MYH2: variants seen among roughly 807,000 people sequenced by gnomAD.
MYH2 encodes the protein myosin heavy chain 2.
Under a neutral mutation model 228.1 loss-of-function variants are expected in MYH2, and 139 were observed. The ratio of observed to expected loss-of-function variants is 0.61; its 90% confidence interval spans 0.53 to 0.70. The LOEUF is 0.70. Among genes scored for constraint, MYH2 ranks in the 30% least tolerant of loss-of-function variants. The probability of loss-of-function intolerance (pLI) is 0.00; values close to 1 mark genes in which losing one functional copy is unlikely to be tolerated. For synonymous variants in MYH2, 796 were observed against 871.1 expected, an observed-to-expected ratio of 0.91 and a Z score of 1.52; for missense variants, 1,809 against 2,357.5, an observed-to-expected ratio of 0.77 and a Z score of 4.82.
intron 10 of MYH2, among the ~76,000 whole-genome samples, chr17:10,541,820 A>C (rs2073559229): frequency 6.6e-6 from 1 of 152,208 alleles, no homozygotes; most frequent in Admixed American, 6.5e-5. Flanking sequence ...ATAGAAAAGA[A>C]CCTATGTGAA....
rs2073524217 is a variant in MYH2 at position 10,539,444 on chromosome 17, C to G, written c.1266G>C (p.Gln422His). The G allele has an allele frequency of 6.2e-7, 1 of 1,614,128 alleles. No homozygotes were observed. The change falls in exon 13 of 40, where the codon CAG becomes CAC. Residue 422 changes from glutamine (Q) to histidine (H), a missense_variant and splice_region_variant. Gln to His is a conservative substitution (Grantham distance 24, BLOSUM62 0). Around this residue, in one of 9 missense-constraint regions of MYH2, gnomAD observed 373 missense variants for 620.4 expected, o/e 0.60. Transcript: ENST00000245503. ...CAGTTAATTTGAATTATGCACCTAC[C>G]TGTTCTACAGTCTGGCCTTTGGTGA... ...EYVTKGQTVE[Q>H]VSNAVGALAK...
Position 10,539,579 on chromosome 17 carries a change from G to T in MYH2, c.1148-17C>A, listed in dbSNP as rs2073526497. The T allele has an allele frequency of 6.3e-7, 1 of 1,597,060 alleles. No individual in the cohort carries two copies. The highest frequency in any genetic ancestry group is 8.6e-7 in the Non-Finnish European group (1 of 1,164,754). ...TGTCAGCAACTAAAAAGAAGAAAGA[G>T]TAGAACAATGTTATTGTGGCCCAAA... On this transcript the variant is annotated splice_polypyrimidine_tract_variant and intron_variant, in intron 12 of 39. Transcript: ENST00000245503.
At position 10,525,148 on chromosome 17, in the gene MYH2, T is replaced by G; in HGVS notation, c.4662+76A>C. 6.2e-7 allele frequency: 1 copy of G among 1,613,840 alleles called. No individual in the cohort carries two copies. The highest frequency in any genetic ancestry group is 8.5e-7 in the Non-Finnish European group (1 of 1,179,838). ...TGCACAGCAATAATTTTGTGCTATG[T>G]GTCTTTTTATTCACTCTATGCAGAT... On this transcript the variant is annotated intron_variant, in intron 33 of 39. Transcript: ENST00000245503. This position sits in a 1 kb window ranked among gnomAD's most constrained non-coding sequence, Gnocchi z 4.2.
chr17:10,540,104 A>G, intron 11 of MYH2, 38 bp from the exon 12 acceptor site: 1 of 1,613,336 alleles, frequency 6.2e-7, no homozygotes, highest in Non-Finnish European at 8.5e-7. Flanking sequence ...TTAGGTTGTG[A>G]TCCACACGCT....
Position 10,521,222 on chromosome 17 carries a change from G to T in MYH2, c.*58C>A. 2 of 1,589,358 alleles carry T rather than the reference G, an allele frequency of 1.3e-6. No homozygotes were observed. The highest frequency in any genetic ancestry group is 1.1e-5 in the South Asian group (1 of 90,436). On this transcript the variant is annotated 3_prime_UTR_variant, in exon 40 of 40. Coordinates refer to ENST00000245503, the MANE Select transcript of MYH2 (RefSeq NM_017534.6). ...ATACACAATAATTACAGAGGGAAAT[G>T]ACCAAAGATGTCACATTTTGTGCCT...
At position 10,540,003 on chromosome 17, in the gene MYH2, C is replaced by A. The variant is rs1407974541; in HGVS notation, c.1072G>T (p.Ala358Ser). Residue 358 changes from alanine to serine, a missense_variant, in exon 12 of 40, where the codon GCT becomes TCT. Ala to Ser is a moderately conservative substitution (Grantham distance 99). Transcript: ENST00000245503. The part of the protein sequence containing the change: ...EKVSIYKLTG[A>S]VMHYGNLKFK... ...TTTAGGTTCCCATAATGCATCACAG[C>A]CCCCGTGAGCTTGTAAATGGAGACC... The A allele has an allele frequency of 3.7e-6, 6 of 1,613,864 alleles. No homozygotes were observed. In the African/African-American group the frequency reaches 6.7e-5, roughly 18 times the overall value.
At chr17:10,542,826 G>T in intron 10 of MYH2, 49 bp downstream of exon 10, 1 of 1,280,096 alleles carries the variant, frequency 7.8e-7, no homozygotes, top group South Asian at 1.2e-5. Flanking sequence ...ACTGTGCATT[G>T]ATAGGTACTG....
At chr17:10,541,996 G>C (rs187766407) in intron 10 of MYH2, among the ~76,000 whole-genome samples, 1 of 152,032 alleles carries the variant, frequency 6.6e-6, no homozygotes, top group Non-Finnish European at 1.5e-5. Context: ...TAAAATGGCC[G>C]GGCACAGTGT....
intron 14 of MYH2, among the ~76,000 whole-genome samples, chr17:10,538,644 C>CA (rs201204610): frequency 0.013 from 1,151 of 87,916 alleles, 6 homozygotes; most frequent in East Asian, 0.036. Context: ...GACTCCATCT[C>CA]AAAAAAAAAA....
Position 10,525,134 on chromosome 17 carries a change from A to G in MYH2, c.4663-69T>C, listed in dbSNP as rs2073334568. 1 of 1,613,892 alleles carries G rather than the reference A, an allele frequency of 6.2e-7. No individual in the cohort carries two copies. Among genetic ancestry groups the G allele is most frequent in the Non-Finnish European group, 8.5e-7 (1 of 1,179,932 alleles). On this transcript the variant is annotated intron_variant, in intron 33 of 39. Transcript: ENST00000245503. The surrounding 1 kb of genome is among the most constrained non-coding windows in gnomAD (Gnocchi z 4.2). ...TTATGAAGTTTTTCTGCACAGCAAT[A>G]ATTTTGTGCTATGTGTCTTTTTATT...
At chr17:10,549,331 G>C (rs1319372603) in intron 2 of MYH2, 44 bp downstream of exon 2, 2 of 152,634 alleles carry the variant, frequency 1.3e-5, no homozygotes, top group Admixed American at 1.3e-4. Flanking sequence ...CCATCCCAGA[G>C]CCTCTTGCAT....
intron 16 of MYH2, among the ~76,000 whole-genome samples, chr17:10,536,940 T>C (rs1201449859): frequency 6.6e-6 from 1 of 152,156 alleles, no homozygotes; most frequent in East Asian, 1.9e-4. Context: ...ATTTATACCC[T>C]CAGATACTCT....
rs34499338 is a variant in MYH2, at chr17:10,526,324, G to A, written c.4187+275C>T. ...AAAGCAGGTACAAGCCCCTGATGCA[G>A]CGATGAGCTCATTGTGCTTGACAAA... is the stretch of plus-strand genomic sequence containing the variant. On this transcript the variant is annotated intron_variant, in intron 30 of 39. Transcript: ENST00000245503. Among the ~76,000 whole-genome samples the A allele has an allele frequency of 0.049, 7,528 of 152,222 alleles. 221 individuals carry two copies. Among genetic ancestry groups the A allele is most frequent in the South Asian group, 0.12 (570 of 4,808 alleles).
rs1164887854 is a variant in MYH2 at position 10,531,843 on chromosome 17, A to G, written c.2487T>C (p.Asn829=). The G allele has an allele frequency of 2.5e-6, 4 of 1,614,140 alleles. No individual in the cohort carries two copies. The highest frequency in any genetic ancestry group is 1.1e-5 in the South Asian group (1 of 91,074). ...CIQYNIRSFM[N]VKHWPWMKLF... is the part of the protein sequence containing the mutation. ...GTTTCATCCAGGGCCAGTGCTTGACATTCATGAAGGATCTGATATTGTACT... is the reference window on the plus strand; with the variant it reads ...GTTTCATCCAGGGCCAGTGCTTGACGTTCATGAAGGATCTGATATTGTACT... Residue 829 remains asparagine (N), a synonymous_variant, in exon 22 of 40, where the codon AAT becomes AAC. Coordinates refer to ENST00000245503, the MANE Select transcript of MYH2 (RefSeq NM_017534.6).
In MYH2 at chr17:10,547,559, G is replaced by C; in HGVS notation, c.264C>G (p.Ile88Met). ...GATGAGTCATCATGGCCATATCCTC[G>C]ATCTTGTCATATTTGGGAGGGTTCA... is the stretch of plus-strand genomic sequence containing the variant. ...FPMNPPKYDK[I>M]EDMAMMTHLH... The change falls in exon 4 of 40, where the codon ATC becomes ATG. Residue 88 changes from isoleucine (I) to methionine (M), a missense_variant. Around this residue, in one of 9 missense-constraint regions of MYH2, gnomAD observed 373 missense variants for 620.4 expected, o/e 0.60. Transcript: ENST00000245503. 6.2e-7 allele frequency: 1 copy of C among 1,614,058 alleles called. No individual in the cohort carries two copies. Among genetic ancestry groups the C allele is most frequent in the Non-Finnish European group, 8.5e-7 (1 of 1,179,970 alleles).
chr17:10,545,031 GTA>G (rs1390233026), intron 5 of MYH2, among the ~76,000 whole-genome samples: 2 of 134,590 alleles, frequency 1.5e-5, no homozygotes, highest in South Asian at 2.7e-4. Context: ...GTGTGTGTGT[GTA>G]TATATACATA....
chr17:10,525,610 C>T lies in MYH2; in HGVS notation c.4378G>A (p.Ala1460Thr). The T allele has an allele frequency of 1.9e-6, 3 of 1,614,124 alleles. No individual in the cohort carries two copies. Among genetic ancestry groups the T allele is most frequent in the Non-Finnish European group, 2.5e-6 (3 of 1,180,022 alleles). The change falls in exon 32 of 40, where the codon GCA becomes ACA. Residue 1460 changes from alanine (A) to threonine (T), a missense_variant. Ala to Thr is a moderately conservative substitution (Grantham distance 58). Coordinates refer to ENST00000245503, the MANE Select transcript of MYH2 (RefSeq NM_017534.6). This position sits in a 1 kb window ranked among gnomAD's most constrained non-coding sequence, Gnocchi z 4.2. ...TCCTCACATTTCTGTTTCCATTCTGCCAGGATCTGAAAAACCAAGACCTGT... is the reference window on the plus strand; with the variant it reads ...TCCTCACATTTCTGTTTCCATTCTGTCAGGATCTGAAAAACCAAGACCTGT... ...KKQRNFDKIL[A>T]EWKQKCEETH...
Position 10,549,634 on chromosome 17 carries a change from A to G in MYH2, c.-64+2T>C, listed in dbSNP as rs2073676772. ...TGAAAGGCCCGTCCTGCTCCCACTT[A>G]CCTTGGAGCTTTTTAAAGCAGGACG... On this transcript the variant is annotated splice_donor_variant, in intron 1 of 39. Transcript: ENST00000245503. LOFTEE classifies it low-confidence loss of function (5UTR_SPLICE). The G allele has an allele frequency of 2.6e-5, 4 of 152,062 alleles. No individual in the cohort carries two copies. Among genetic ancestry groups the G allele is most frequent in the Non-Finnish European group, 1.5e-5 (1 of 68,010 alleles). 9.4% of individuals were successfully genotyped at this position (152,062 alleles called of 1,614,324 possible).
chr17:10,534,158 C>CT (rs2073456317), intron 19 of MYH2, among the ~76,000 whole-genome samples: 1 of 152,210 alleles, frequency 6.6e-6, no homozygotes, highest in Non-Finnish European at 1.5e-5. Flanking sequence ...TTCCCCACCT[C>CT]TGCCTTTTCT....
Sources: allele counts gnomAD v4.1 joint callset (sites outside exome capture counted in the v4.1 genomes callset), GRCh38; gene constraint gnomAD v4.1.1; regional missense constraint gnomAD v4.1.1; non-coding constraint Gnocchi (gnomAD v3.1); transcripts MANE v1.5; gene names NCBI Gene and HGNC (gene_info 2026-07-23, HGNC 2026-07-21).